The following AGBL4 variants were observed in gnomAD, a reference collection of about 807,000 sequenced individuals.
The protein encoded by AGBL4 is cytosolic carboxypeptidase 6.
A neutral mutation model predicts 66.4 loss-of-function variants in AGBL4; 58 were observed. The observed-to-expected ratio is 0.87, with a 90% CI of 0.71 to 1.09. The LOEUF (loss-of-function observed/expected upper bound fraction) is 1.09, where lower values mean the gene tolerates loss of function less well. Among genes scored for constraint, AGBL4 ranks in the 50% least tolerant of loss-of-function variants. The pLI, the probability that AGBL4 is intolerant of heterozygous loss-of-function variation, is 0.00. For synonymous variants in AGBL4, 234 were observed against 222.9 expected (o/e 1.05, Z -0.44); for missense variants, 579 against 631.0 (o/e 0.92, Z 0.88).
intron 3 of AGBL4, among the ~76,000 whole-genome samples, chr1:49,270,250 G>T (rs1027818207): frequency 6.6e-6 from 1 of 152,118 alleles, no homozygotes; most frequent in Non-Finnish European, 1.5e-5. Context: ...ATAAAGAGGG[G>T]TAGTGAGTGA....
chr1:49,432,937 G>A (rs1570703786), intron 3 of AGBL4, among the ~76,000 whole-genome samples: 1 of 152,100 alleles, frequency 6.6e-6, no homozygotes, highest in Admixed American at 6.6e-5. Context: ...GAGAGGAGAG[G>A]AGCAGAAAGC....
At chr1:49,910,833 G>A (rs1024256996) in intron 1 of AGBL4, among the ~76,000 whole-genome samples, 8 of 152,030 alleles carry the variant, frequency 5.3e-5, no homozygotes, top group Non-Finnish European at 1.0e-4. Context: ...AAAATTAGCC[G>A]GGCACGGCGG....
At chr1:49,118,277 G>A (rs1299909860) in intron 4 of AGBL4, among the ~76,000 whole-genome samples, 1 of 152,160 alleles carries the variant, frequency 6.6e-6, no homozygotes, top group Non-Finnish European at 1.5e-5. Flanking sequence ...GTGAGAGAGA[G>A]CATCCTTGTC....
At chr1:48,964,617 G>T (rs767211544) in intron 5 of AGBL4, among the ~76,000 whole-genome samples, 13 of 152,202 alleles carry the variant, frequency 8.5e-5, no homozygotes, top group Admixed American at 2.6e-4. Flanking sequence ...GAAGTTCAGT[G>T]ACTTATCCAA....
At chr1:49,185,378 C>T (rs188776781) in intron 4 of AGBL4, among the ~76,000 whole-genome samples, 26 of 152,334 alleles carry the variant, frequency 1.7e-4, no homozygotes, top group African/African-American at 6.3e-4. Flanking sequence ...AACAGGGATC[C>T]ACAAAACTCT....
chr1:48,986,724 T>A (rs1660204724), intron 5 of AGBL4, among the ~76,000 whole-genome samples: 1 of 152,090 alleles, frequency 6.6e-6, no homozygotes. Context: ...AATATGTATC[T>A]ACCACATTAA....
chr1:49,956,677 T>G (rs1241612301), intron 1 of AGBL4, among the ~76,000 whole-genome samples: 2 of 152,026 alleles, frequency 1.3e-5, no homozygotes, highest in East Asian at 3.9e-4. Flanking sequence ...AGATAAGATG[T>G]CAAAAAGATA....
chr1:49,881,682 C>T (rs1354569108), intron 1 of AGBL4, among the ~76,000 whole-genome samples: 1 of 150,556 alleles, frequency 6.6e-6, no homozygotes, highest in African/African-American at 2.5e-5. Context: ...GCATAAATGT[C>T]TTCTTTTGAG....
intron 1 of AGBL4, among the ~76,000 whole-genome samples, chr1:49,989,993 T>C (rs1024959547): frequency 1.3e-5 from 2 of 152,104 alleles, no homozygotes; most frequent in African/African-American, 4.8e-5. Context: ...CAAAAAATAC[T>C]TAGTGAGTGA....
intron 2 of AGBL4, among the ~76,000 whole-genome samples, chr1:49,815,092 C>T (rs868502795): frequency 1.2e-4 from 18 of 152,174 alleles, no homozygotes; most frequent in Middle Eastern, 6.8e-3. Flanking sequence ...CACCCTGTTG[C>T]GCTATCAAGT....
intron 3 of AGBL4, among the ~76,000 whole-genome samples, chr1:49,489,822 T>G (rs114526825): frequency 0.022 from 3,288 of 151,770 alleles, 135 homozygotes; most frequent in African/African-American, 0.075. Context: ...TGTTAAAATG[T>G]GTTCACTATA....
chr1:49,138,641 T>A (rs1050945498), intron 4 of AGBL4, among the ~76,000 whole-genome samples: 11 of 152,266 alleles, frequency 7.2e-5, no homozygotes, highest in Non-Finnish European at 1.2e-4. Flanking sequence ...AACTTATATC[T>A]CTGGTTCAAA....
chr1:48,820,269 G>A (rs545775693), intron 6 of AGBL4, among the ~76,000 whole-genome samples: 6 of 151,986 alleles, frequency 3.9e-5, no homozygotes, highest in African/African-American at 1.2e-4. Flanking sequence ...ACTGAATATC[G>A]GGTTCCCCAG....
intron 3 of AGBL4, among the ~76,000 whole-genome samples, chr1:49,387,571 A>G (rs1438137545): frequency 6.6e-6 from 1 of 152,008 alleles, no homozygotes; most frequent in East Asian, 1.9e-4. Flanking sequence ...AAACTGAAAA[A>G]GGTTGGTATG....
chr1:48,664,876 A>C (rs868000455), intron 6 of AGBL4, among the ~76,000 whole-genome samples: 2 of 152,216 alleles, frequency 1.3e-5, no homozygotes, highest in Non-Finnish European at 2.9e-5. Flanking sequence ...GAAATTTAGA[A>C]AGAACATTGA....
At chr1:49,343,792 C>T (rs1645587126) in intron 3 of AGBL4, among the ~76,000 whole-genome samples, 1 of 152,120 alleles carries the variant, frequency 6.6e-6, no homozygotes, top group African/African-American at 2.4e-5. Context: ...TGTGAATGAG[C>T]TCTGATTAAC....
intron 3 of AGBL4, among the ~76,000 whole-genome samples, chr1:49,682,020 TA>T (rs1322020621): frequency 6.6e-6 from 1 of 152,148 alleles, no homozygotes; most frequent in East Asian, 1.9e-4. Context: ...ACTAAAAAAG[TA>T]CAGCAAACTA....
intron 4 of AGBL4, among the ~76,000 whole-genome samples, chr1:49,086,116 C>A (rs1463051616): frequency 2.6e-5 from 4 of 152,196 alleles, no homozygotes; most frequent in Non-Finnish European, 5.9e-5. Context: ...GTGACCACCC[C>A]CTACCCCAAC....
At chr1:49,368,075 G>A (rs1324076842) in intron 3 of AGBL4, among the ~76,000 whole-genome samples, 1 of 152,128 alleles carries the variant, frequency 6.6e-6, no homozygotes, top group African/African-American at 2.4e-5. Flanking sequence ...GTTCATTCAT[G>A]TTGTAGCATG....
Sources: allele counts gnomAD v4.1 joint callset (sites outside exome capture counted in the v4.1 genomes callset), GRCh38; gene constraint gnomAD v4.1.1; transcripts MANE v1.5; gene names NCBI Gene and HGNC (gene_info 2026-07-23, HGNC 2026-07-21).